The following SLC2A9 variants were observed in gnomAD, a reference collection of about 807,000 sequenced individuals.
The protein encoded by SLC2A9 is solute carrier family 2, facilitated glucose transporter member 9.
A neutral mutation model predicts 50.6 loss-of-function variants in SLC2A9; 39 were observed. The observed-to-expected ratio is 0.77, with a 90% CI of 0.60 to 1.01. SLC2A9 has a LOEUF of 1.01. Ranked by LOEUF, SLC2A9 falls within the 50% of genes least tolerant of loss-of-function variation. SLC2A9 has a pLI of 0.00. For missense variants in SLC2A9, 686 were observed against 677.6 expected (o/e 1.01, Z -0.14); for synonymous variants, 324 against 276.9 (o/e 1.17, Z -1.69).
chr4:9,884,444 T>TG (rs1271096938), intron 10 of SLC2A9, among the ~76,000 whole-genome samples: 3 of 26,038 alleles, frequency 1.2e-4, no homozygotes, highest in Non-Finnish European at 2.5e-4. Flanking sequence ...TGGCTAGAAA[T>TG]GTTTTTTTTT....
At chr4:9,852,454 T>G (rs1577535299) in intron 10 of SLC2A9, among the ~76,000 whole-genome samples, 2 of 151,734 alleles carry the variant, frequency 1.3e-5, no homozygotes, top group East Asian at 3.9e-4. Flanking sequence ...GGGTTTCACC[T>G]TGTTAGCCAG....
At chr4:9,941,438 G>A (rs187496091) in intron 6 of SLC2A9, among the ~76,000 whole-genome samples, 100 of 152,348 alleles carry the variant, frequency 6.6e-4, no homozygotes, top group African/African-American at 1.8e-3. Context: ...GAAGCACTCA[G>A]ACCAGTGCCT....
rs1577326641 is a variant in SLC2A9, at chr4:9,802,160, T to C, written n.421-2919A>G. On this transcript the variant is annotated intron_variant and non_coding_transcript_variant, in intron 3 of 3. Coordinates refer to the SLC2A9 transcript ENST00000503280. ...GCTTGTTTACTCGGTACCGAACCTTTTAGACGGCCATTCCAGCAGAGAAAT... is the reference window on the plus strand; with the variant it reads ...GCTTGTTTACTCGGTACCGAACCTTCTAGACGGCCATTCCAGCAGAGAAAT... Among the ~76,000 whole-genome samples, 3 of 152,196 alleles carry C rather than the reference T, an allele frequency of 2.0e-5. No homozygotes were observed. The East Asian group carries it at 5.8e-4, about 29-fold the overall frequency.
At chr4:9,942,596 C>T (rs981851473) in intron 5 of SLC2A9, among the ~76,000 whole-genome samples, 1 of 152,190 alleles carries the variant, frequency 6.6e-6, no homozygotes, top group African/African-American at 2.4e-5. Context: ...ACAGCTTACC[C>T]CTTAGGGAGA....
chr4:10,023,060 C>A (rs2109574726), upstream of SLC2A9, among the ~76,000 whole-genome samples: 1 of 152,326 alleles, frequency 6.6e-6, no homozygotes, highest in Non-Finnish European at 1.5e-5. Context: ...TTAATTATAA[C>A]ATGACCTAAA....
chr4:9,985,085 C>G (rs1256712160), intron 4 of SLC2A9, among the ~76,000 whole-genome samples: 1 of 152,160 alleles, frequency 6.6e-6, no homozygotes, highest in African/African-American at 2.4e-5. Flanking sequence ...GAGCAGTCTT[C>G]CCTGATTGGC....
intron 2 of SLC2A9, among the ~76,000 whole-genome samples, chr4:10,012,132 C>T (rs1761866630): frequency 1.3e-5 from 2 of 152,170 alleles, no homozygotes; most frequent in Non-Finnish European, 2.9e-5. Flanking sequence ...AAAGAAAAAC[C>T]ACGCACTATC....
chr4:9,928,985 T>C (rs546175605), intron 6 of SLC2A9, among the ~76,000 whole-genome samples: 23 of 152,334 alleles, frequency 1.5e-4, no homozygotes, highest in African/African-American at 5.3e-4. Context: ...AACATTTCAT[T>C]CCTGATGGAC....
chr4:9,780,314 G>A (rs1406691444), intron 3 of SLC2A9, among the ~76,000 whole-genome samples: 1 of 152,184 alleles, frequency 6.6e-6, no homozygotes, highest in African/African-American at 2.4e-5. Context: ...GATGTCCATG[G>A]CCAGAGGAGT....
chr4:9,981,516 C>A (rs1755874099), intron 4 of SLC2A9, among the ~76,000 whole-genome samples: 1 of 152,180 alleles, frequency 6.6e-6, no homozygotes. Flanking sequence ...GATTAGTAAA[C>A]TGAGGCACAG....
At chr4:9,906,932 C>T (rs1740791176) in intron 8 of SLC2A9, among the ~76,000 whole-genome samples, 1 of 152,110 alleles carries the variant, frequency 6.6e-6, no homozygotes, top group South Asian at 2.1e-4. Flanking sequence ...AGAGACAAAA[C>T]ATCATTCCTC....
intron 5 of SLC2A9, among the ~76,000 whole-genome samples, chr4:9,944,365 G>T (rs1458229221): frequency 6.6e-6 from 1 of 152,214 alleles, no homozygotes; most frequent in Non-Finnish European, 1.5e-5. Flanking sequence ...AGTGTTTTTG[G>T]AATCTTAGTC....
At chr4:9,874,554 G>A (rs1049686057) in intron 10 of SLC2A9, among the ~76,000 whole-genome samples, 2 of 152,258 alleles carry the variant, frequency 1.3e-5, no homozygotes, top group African/African-American at 2.4e-5. Context: ...GAAGCTCAGA[G>A]GCCATCTGGA....
chr4:9,876,755 A>C (rs1734377896), intron 10 of SLC2A9, among the ~76,000 whole-genome samples: 1 of 152,206 alleles, frequency 6.6e-6, no homozygotes, highest in African/African-American at 2.4e-5. Context: ...CTTCCCTAAA[A>C]GCCTGTGTGG....
chr4:9,772,835 T>TTA (rs1717023767), intron 1 of SLC2A9, among the ~76,000 whole-genome samples: 1 of 151,564 alleles, frequency 6.6e-6, no homozygotes, highest in Non-Finnish European at 1.5e-5. Context: ...ATTTTTTTTT[T>TTA]ATTATACTCT....
At chr4:9,989,951 C>G (rs1483028521) in intron 3 of SLC2A9, among the ~76,000 whole-genome samples, 1 of 152,030 alleles carries the variant, frequency 6.6e-6, no homozygotes, top group African/African-American at 2.4e-5. Context: ...GCACAAGTCA[C>G]CATTTTAGAG....
At chr4:9,819,713 C>T (rs573233891) in intron 3 of SLC2A9, among the ~76,000 whole-genome samples, 5 of 152,208 alleles carry the variant, frequency 3.3e-5, no homozygotes, top group African/African-American at 9.6e-5. Flanking sequence ...GCGTGCAGAC[C>T]ACCTGCAGTC....
chr4:9,960,784 G>T (rs1261023757), intron 5 of SLC2A9, among the ~76,000 whole-genome samples: 1 of 152,184 alleles, frequency 6.6e-6, no homozygotes. Flanking sequence ...GTGGCATGAG[G>T]ATTATGGGAT....
intron 10 of SLC2A9, among the ~76,000 whole-genome samples, chr4:9,842,160 T>C (rs1728181404): frequency 6.6e-6 from 1 of 152,244 alleles, no homozygotes; most frequent in Non-Finnish European, 1.5e-5. Flanking sequence ...TCCTGCTCAT[T>C]TTCTTAGGTA....
Sources: gnomAD v4.1 joint callset for allele counts (sites outside exome capture counted in the v4.1 genomes callset) on GRCh38, gnomAD v4.1.1 for gene constraint, MANE v1.5 for transcripts, NCBI Gene and HGNC (gene_info 2026-07-23, HGNC 2026-07-21) for gene names.